IDH3A: variants seen among roughly 807,000 people sequenced by gnomAD.
The protein encoded by IDH3A is isocitrate dehydrogenase (NAD(+)) 3 catalytic subunit alpha.
IDH3A carries 23 observed loss-of-function variants against 43.3 expected under a neutral mutation model. The ratio of observed to expected loss-of-function variants is 0.53; its 90% CI spans 0.38 to 0.75. The LOEUF (loss-of-function observed/expected upper bound fraction) is 0.75. Among genes scored for constraint, IDH3A ranks in the 30% least tolerant of loss-of-function variants. The probability of loss-of-function intolerance (pLI) is 0.00; values close to 1 mark genes in which losing one functional copy is unlikely to be tolerated. For synonymous variants in IDH3A, 154 were observed against 163.5 expected (o/e 0.94, Z 0.44); for missense variants, 329 against 474.4 (o/e 0.69, Z 2.85).
intron 10 of IDH3A, chr15:78,167,388 C>T (rs945803225): frequency 1.3e-5 from 2 of 152,186 alleles, no homozygotes; most frequent in African/African-American, 4.8e-5. Context: ...TCCACCGCCT[C>T]GGTAAGCAAT....
At position 78,171,205 on chromosome 15, in the gene IDH3A, A is replaced by T; in HGVS notation, c.*2200A>T. The T allele has an allele frequency of 1.1e-5, 4 of 369,170 alleles. No individual in the cohort carries two copies. The highest frequency in any genetic ancestry group is 4.2e-5 in the Admixed American group (1 of 24,022). The allele number at this position is 369,170 out of a possible 1,614,324, so 22.9% of individuals were successfully genotyped here. A position where few individuals can be genotyped will look rare whatever the true frequency, so the allele number is the denominator to read the frequency against. On this transcript the variant is annotated 3_prime_UTR_variant, in exon 11 of 11. Transcript: ENST00000299518. The stretch of plus-strand genomic sequence containing the variant: ...GGAAGGAGAGCTGATCTCATTTGTC[A>T]CCTGAACAAAAAGCAATACTTAAAC...
At chr15:78,157,783 TG>T in intron 3 of IDH3A, 152 bp downstream of exon 3, 2 of 569,228 alleles carry the variant, frequency 3.5e-6, no homozygotes, top group Non-Finnish European at 3.1e-6. Context: ...ACTTTAACAG[TG>T]TGTGTCTCAG....
chr15:78,149,979 G>C (rs1386169517), intron 1 of IDH3A, among the ~76,000 whole-genome samples: 1 of 152,198 alleles, frequency 6.6e-6, no homozygotes, highest in Non-Finnish European at 1.5e-5. Context: ...CTATCAGATT[G>C]TTTTCCCTTT....
chr15:78,160,701 C>T (rs542877622), intron 4 of IDH3A, among the ~76,000 whole-genome samples: 1 of 152,232 alleles, frequency 6.6e-6, no homozygotes, highest in Admixed American at 6.5e-5. Context: ...ACTATGTTTC[C>T]CAGGCTGATC....
At chr15:78,156,848 T>A in intron 2 of IDH3A, 2 of 1,280,870 alleles carry the variant, frequency 1.6e-6, no homozygotes, top group Non-Finnish European at 2.1e-6. Flanking sequence ...ATAATTGTCA[T>A]TCTAAGTGTG....
At chr15:78,154,759 C>G (rs1023265034) in intron 1 of IDH3A, 1 of 151,848 alleles carries the variant, frequency 6.6e-6, no homozygotes, top group Non-Finnish European at 1.5e-5. Flanking sequence ...AAAACAACAA[C>G]AAGAAATAAG....
intron 1 of IDH3A, among the ~76,000 whole-genome samples, chr15:78,153,497 T>C (rs2141940202): frequency 6.6e-6 from 1 of 152,286 alleles, no homozygotes; most frequent in East Asian, 1.9e-4. Context: ...TTTTGGCCAA[T>C]GGTTTTGGCA....
rs910068510 is a variant in IDH3A at position 78,169,883 on chromosome 15, A to G, written c.*878A>G. ...ATGTTGCTGTCTGGGAATGGACCAC[A>G]CTACAGCAGGTAGTTCTGGGGGCGA... On this transcript the variant is annotated 3_prime_UTR_variant, in exon 11 of 11. Coordinates refer to ENST00000299518, the MANE Select transcript of IDH3A (RefSeq NM_005530.3). 5 of 152,212 alleles carry G rather than the reference A, an allele frequency of 3.3e-5. No individual in the cohort carries two copies. Among genetic ancestry groups the G allele is most frequent in the Non-Finnish European group, 7.3e-5 (5 of 68,032 alleles). 9.4% of individuals were successfully genotyped at this position (152,212 alleles called of 1,614,324 possible). A position where few individuals can be genotyped will look rare whatever the true frequency, so the allele number is the denominator to read the frequency against.
chr15:78,165,119 C>T lies in IDH3A; in HGVS notation c.864+43C>T, dbSNP rs778717956. 17 of 1,204,488 alleles carry T rather than the reference C, an allele frequency of 1.4e-5. No individual in the cohort carries two copies. In the East Asian group the frequency reaches 1.6e-4, roughly 12 times the overall value. 74.6% of individuals were successfully genotyped at this position (1,204,488 alleles called of 1,614,324 possible). Reference sequence around the variant, plus strand: ...TGAAACAGAACTCAGGTCAGAACAGCGTGTGAACTCAGGAGGAGTTATCTG... The same window carrying T: ...TGAAACAGAACTCAGGTCAGAACAGTGTGTGAACTCAGGAGGAGTTATCTG... On this transcript the variant is annotated intron_variant, in intron 9 of 10. Transcript: ENST00000299518.
chr15:78,149,799 C>T (rs575749824), intron 1 of IDH3A, among the ~76,000 whole-genome samples: 2 of 152,356 alleles, frequency 1.3e-5, no homozygotes, highest in Non-Finnish European at 2.9e-5. Flanking sequence ...CTCCGCCATC[C>T]GGGCCGCTTC....
Position 78,170,896 on chromosome 15 carries a change from C to G in IDH3A, c.*1891C>G, listed in dbSNP as rs1567075711. Reference sequence around the variant, plus strand: ...ATTCAAATTATACATTAAATAGAATCAAACAGGCAGCAGCAGTTTTATTAA... The same window carrying G: ...ATTCAAATTATACATTAAATAGAATGAAACAGGCAGCAGCAGTTTTATTAA... On this transcript the variant is annotated 3_prime_UTR_variant, in exon 11 of 11. Transcript: ENST00000299518. 6.5e-6 allele frequency: 1 copy of G among 153,218 alleles called. No homozygotes were observed. The highest frequency in any genetic ancestry group is 1.5e-5 in the Non-Finnish European group (1 of 68,484). 9.5% of individuals were successfully genotyped at this position (153,218 alleles called of 1,614,324 possible).
chr15:78,163,922 G>C, intron 8 of IDH3A, 142 bp downstream of exon 8: 1 of 619,760 alleles, frequency 1.6e-6, no homozygotes, highest in East Asian at 2.8e-5. Context: ...AACAGTTCAG[G>C]TTGTGATATG....
intron 7 of IDH3A, 25 bp from the exon 8 acceptor site, chr15:78,163,691 A>G: frequency 6.2e-7 from 1 of 1,603,986 alleles, no homozygotes; most frequent in African/African-American, 1.3e-5. Flanking sequence ...TTTGATTACT[A>G]AATGCACAAA....
chr15:78,171,442 G>T lies in IDH3A; in HGVS notation c.*2437G>T. 6.2e-7 allele frequency: 1 copy of T among 1,613,340 alleles called. No individual in the cohort carries two copies. Among genetic ancestry groups the T allele is most frequent in the South Asian group, 1.1e-5 (1 of 91,034 alleles). ...TATAGAAACTGCAGGCATAGGCCCT[G>T]ATTACATTTTTTGCTCTTGGTAAAA... On this transcript the variant is annotated 3_prime_UTR_variant, in exon 11 of 11. Transcript: ENST00000299518.
At chr15:78,153,095 T>C (rs1297986857) in intron 1 of IDH3A, among the ~76,000 whole-genome samples, 1 of 152,136 alleles carries the variant, frequency 6.6e-6, no homozygotes, top group Non-Finnish European at 1.5e-5. Flanking sequence ...GAGTCGGGTC[T>C]TTTTCATTCT....
Position 78,157,648 on chromosome 15 carries a change from A to T in IDH3A, c.174+17A>T. 7.7e-6 allele frequency: 12 copies of T among 1,562,528 alleles called. No individual in the cohort carries two copies. Among genetic ancestry groups the T allele is most frequent in the Non-Finnish European group, 1.1e-5 (12 of 1,136,058 alleles). On this transcript the variant is annotated intron_variant, in intron 3 of 10. Transcript: ENST00000299518. Reference sequence around the variant, plus strand: ...GCTGCCAAAGTAAGTGGGCTTAAAAAATACATTTAATGATGACTCACTGAA... The same window carrying T: ...GCTGCCAAAGTAAGTGGGCTTAAAATATACATTTAATGATGACTCACTGAA...
intron 3 of IDH3A, 122 bp downstream of exon 3, chr15:78,157,753 G>T (rs2074637094): frequency 1.1e-5 from 7 of 621,076 alleles, no homozygotes; most frequent in Middle Eastern, 3.4e-4. Flanking sequence ...CAGGTCTGTT[G>T]TTAATCTCCA....
In IDH3A at chr15:78,166,284, T is replaced by C. The variant is rs1247699563; in HGVS notation, c.999T>C (p.Ala333=). The change falls in exon 10 of 11, where the codon GCT becomes GCC. Residue 333 remains alanine, a synonymous_variant. Coordinates refer to ENST00000299518, the MANE Select transcript of IDH3A (RefSeq NM_005530.3). ...CAAGAATTGAGGCTGCGTGTTTTGC[T>C]ACAATTAAGGACGGAAAGGTAACAG... ...HAARIEAACF[A]TIKDGKSLTK... 3 of 1,614,148 alleles carry C rather than the reference T, an allele frequency of 1.9e-6. No homozygotes were observed. The highest frequency in any genetic ancestry group is 1.7e-6 in the Non-Finnish European group (2 of 1,180,010).
chr15:78,160,845 C>A (rs2141296545), intron 4 of IDH3A, among the ~76,000 whole-genome samples: 1 of 151,200 alleles, frequency 6.6e-6, no homozygotes, highest in East Asian at 2.0e-4. Context: ...GGCCATAATT[C>A]AAAAATACTA....
Sources: gnomAD v4.1 joint callset for allele counts (sites outside exome capture counted in the v4.1 genomes callset) on GRCh38, gnomAD v4.1.1 for gene constraint, MANE v1.5 for transcripts, NCBI Gene and HGNC (gene_info 2026-07-23, HGNC 2026-07-21) for gene names.